EIF3B: variants seen among roughly 807,000 people sequenced by gnomAD.
EIF3B encodes the protein eukaryotic translation initiation factor 3 subunit B, also known as eukaryotic translation initiation factor 3 subunit 9.
A neutral mutation model predicts 104.6 loss-of-function variants in EIF3B; 10 were observed. That is an observed-to-expected ratio of 0.10 (90% confidence interval 0.06 to 0.16). The LOEUF is 0.16. Among genes scored for constraint, EIF3B ranks in the 10% least tolerant of loss-of-function variants. The probability of loss-of-function intolerance (pLI) is 1.00; values close to 1 mark genes in which losing one functional copy is unlikely to be tolerated. For missense variants in EIF3B, 1,014 were observed against 1,087.9 expected, an observed-to-expected ratio of 0.93 and a Z score of 0.96; for synonymous variants, 542 against 417.2, an observed-to-expected ratio of 1.30 and a Z score of -3.65.
At chr7:2,378,811 A>T in intron 16 of EIF3B, 45 bp downstream of exon 16, 2 of 1,549,632 alleles carry the variant, frequency 1.3e-6, no homozygotes, top group Non-Finnish European at 1.8e-6. Context: ...GACATCCGCC[A>T]TCATGGCAAA....
chr7:2,379,814 T>C (rs1780897993), intron 18 of EIF3B: 2 of 386,690 alleles, frequency 5.2e-6, no homozygotes, highest in African/African-American at 4.1e-5. Flanking sequence ...CATTTCCTGA[T>C]ACCTGTGCTA....
At chr7:2,362,914 C>T in intron 3 of EIF3B, 150 bp downstream of exon 3, 1 of 1,428,474 alleles carries the variant, frequency 7.0e-7, no homozygotes, top group Admixed American at 1.8e-5. Flanking sequence ...CACAGCCCTG[C>T]CCCACACTTC....
Position 2,363,616 on chromosome 7 carries a change from T to C in EIF3B, c.871-16T>C. 1.3e-6 allele frequency: 2 copies of C among 1,590,262 alleles called. No individual in the cohort carries two copies. The highest frequency in any genetic ancestry group is 1.7e-6 in the Non-Finnish European group (2 of 1,171,264). ...AAAATTAATGAAATGTTATATTCCT[T>C]GTCTTTGTTTTTAAGGGGAACTTAC... On this transcript the variant is annotated splice_polypyrimidine_tract_variant and intron_variant, in intron 4 of 18. Transcript: ENST00000360876.
intron 6 of EIF3B, among the ~76,000 whole-genome samples, chr7:2,364,921 T>C (rs1321117633): frequency 6.6e-6 from 1 of 152,250 alleles, no homozygotes; most frequent in East Asian, 1.9e-4. Context: ...ATACTTACTT[T>C]CCTTCAGTTC....
Position 2,366,308 on chromosome 7 carries a change from C to G in EIF3B, c.1158-9C>G. The G allele has an allele frequency of 1.3e-6, 2 of 1,597,022 alleles. No individual in the cohort carries two copies. The highest frequency in any genetic ancestry group is 1.7e-6 in the Non-Finnish European group (2 of 1,172,660). ...GAGGATAGTGTACAGTGTTGCCCTTCTCTTCTAGGTACCTGGTGACCTTTA... is the reference window on the plus strand; with the variant it reads ...GAGGATAGTGTACAGTGTTGCCCTTGTCTTCTAGGTACCTGGTGACCTTTA... On this transcript the variant is annotated splice_polypyrimidine_tract_variant and intron_variant, in intron 6 of 18. Coordinates refer to ENST00000360876, the MANE Select transcript of EIF3B (RefSeq NM_001037283.2).
At chr7:2,371,431 A>G (rs541581854) in intron 10 of EIF3B, among the ~76,000 whole-genome samples, 7 of 152,310 alleles carry the variant, frequency 4.6e-5, no homozygotes, top group Non-Finnish European at 1.0e-4. Flanking sequence ...ACCCAGCCCC[A>G]TTGGTGTGCC....
At chr7:2,363,420 C>G (rs1232767117) in intron 4 of EIF3B, among the ~76,000 whole-genome samples, 1 of 151,968 alleles carries the variant, frequency 6.6e-6, no homozygotes, top group Non-Finnish European at 1.5e-5. Flanking sequence ...CTGCCGTGAG[C>G]TATGATTGTG....
chr7:2,377,503 T>C (rs58820263), intron 15 of EIF3B, among the ~76,000 whole-genome samples: 4,096 of 123,136 alleles, frequency 0.033, 86 homozygotes, highest in Middle Eastern at 0.078. Flanking sequence ...CCTGGGATGC[T>C]GTGTTGTGTG....
chr7:2,379,104 G>C, intron 16 of EIF3B, 30 bp from the exon 17 acceptor site: 2 of 1,601,534 alleles, frequency 1.2e-6, no homozygotes, highest in Non-Finnish European at 1.7e-6. Context: ...TGTCTTACCA[G>C]TTCTGTGCTT....
At chr7:2,362,595 C>T (rs745541864) in intron 2 of EIF3B, 50 bp from the exon 3 acceptor site, 31 of 1,610,132 alleles carry the variant, frequency 1.9e-5, no homozygotes, top group Non-Finnish European at 2.6e-5. Context: ...CAGCGCATAC[C>T]TGCCTAGCCT....
chr7:2,380,064 G>C (rs1780914335), intron 18 of EIF3B, 140 bp from the exon 19 acceptor site: 4 of 299,586 alleles, frequency 1.3e-5, no homozygotes, highest in Non-Finnish European at 2.6e-5. Context: ...TGAGCGAGTA[G>C]GGGTGGCACA....
At chr7:2,354,822 C>T, upstream of EIF3B, 7 of 1,017,572 alleles carry the variant, frequency 6.9e-6, no homozygotes, top group Non-Finnish European at 8.2e-6. Context: ...CCCCGTCGCA[C>T]GCACATGGCT....
At position 2,363,074 on chromosome 7, in the gene EIF3B, A is replaced by T. The variant is rs746365191; in HGVS notation, c.817A>T (p.Met273Leu). The T allele has an allele frequency of 6.2e-7, 1 of 1,614,034 alleles. No homozygotes were observed. Among genetic ancestry groups the T allele is most frequent in the Non-Finnish European group, 8.5e-7 (1 of 1,180,006 alleles). The change falls in exon 4 of 19, where the codon ATG becomes TTG. Residue 273 changes from methionine (M) to leucine (L), a missense_variant. Physicochemically the swap from Met to Leu is conservative, Grantham distance 15. Transcript: ENST00000360876. ...VNLFTDFDKY[M>L]TISDEWDIPE... ...GCAGTCTCCTTTCTTCTCCAGGTAT[A>T]TGACGATCAGTGACGAGTGGGATAT...
intron 9 of EIF3B, among the ~76,000 whole-genome samples, chr7:2,369,019 A>G (rs1353285501): frequency 1.3e-5 from 2 of 152,222 alleles, no homozygotes; most frequent in Non-Finnish European, 2.9e-5. Flanking sequence ...GTAGTTGATA[A>G]AGTGGAGGGA....
intron 1 of EIF3B, 74 bp downstream of exon 1, chr7:2,355,494 C>T (rs1779364897): frequency 7.2e-7 from 1 of 1,393,814 alleles, no homozygotes; most frequent in South Asian, 1.5e-5. Flanking sequence ...GAGATATCGT[C>T]GGGCTGTGCC....
intron 12 of EIF3B, chr7:2,373,154 G>A (rs759173645): frequency 2.9e-5 from 5 of 174,942 alleles, no homozygotes; most frequent in Admixed American, 6.1e-5. Context: ...TGGGTCAGGT[G>A]CCTTTGACCA....
chr7:2,356,995 G>A (rs1478381113), intron 1 of EIF3B, among the ~76,000 whole-genome samples: 8 of 152,152 alleles, frequency 5.3e-5, no homozygotes, highest in Non-Finnish European at 1.0e-4. Context: ...AGAATTCCCA[G>A]TGGGTCTATA....
intron 1 of EIF3B, among the ~76,000 whole-genome samples, chr7:2,356,613 A>AG (rs1265479733): frequency 6.6e-6 from 1 of 150,754 alleles, no homozygotes; most frequent in African/African-American, 2.5e-5. Context: ...AAAAAAAAAA[A>AG]AAAAAGAAAA....
intron 1 of EIF3B, among the ~76,000 whole-genome samples, chr7:2,359,991 C>G (rs555545674): frequency 1.3e-5 from 2 of 152,102 alleles, no homozygotes; most frequent in Non-Finnish European, 2.9e-5. Context: ...TTGTTCTGAA[C>G]GAAGGTGCGT....
Sources: gnomAD v4.1 joint callset for allele counts (sites outside exome capture counted in the v4.1 genomes callset) on GRCh38, gnomAD v4.1.1 for gene constraint, MANE v1.5 for transcripts, NCBI Gene and HGNC (gene_info 2026-07-23, HGNC 2026-07-21) for gene names.